SMG1: variants seen among roughly 807,000 people sequenced by gnomAD.
SMG1 encodes the protein serine/threonine-protein kinase SMG1.
A neutral mutation model predicts 419.9 loss-of-function variants in SMG1; 22 were observed. The observed-to-expected ratio is 0.05, with a 90% confidence interval of 0.04 to 0.07. The LOEUF (loss-of-function observed/expected upper bound fraction) is 0.07, where lower values mean the gene tolerates loss of function less well. Among genes scored for constraint, SMG1 ranks in the 10% least tolerant of loss-of-function variants. The pLI is 1.00. For missense variants in SMG1, 3,185 were observed against 4,342.0 expected (o/e 0.73, Z 7.49); for synonymous variants, 1,538 against 1,553.5 (o/e 0.99, Z 0.23).
chr16:18,853,124 G>T (rs1013706182), intron 31 of SMG1, among the ~76,000 whole-genome samples: 2 of 152,148 alleles, frequency 1.3e-5, no homozygotes, highest in East Asian at 3.8e-4. Flanking sequence ...AAAAACAGGG[G>T]AATTATGCCT....
At chr16:18,836,631 CG>C in intron 46 of SMG1, 99 bp from the exon 47 acceptor site, 1 of 1,281,212 alleles carries the variant, frequency 7.8e-7, no homozygotes, top group Non-Finnish European at 1.1e-6. Flanking sequence ...CTGTCTGGTA[CG>C]CTCCTTGTTC....
intron 31 of SMG1, 142 bp downstream of exon 31, chr16:18,853,441 A>G: frequency 2.6e-6 from 2 of 780,586 alleles, no homozygotes; most frequent in South Asian, 2.4e-5. Flanking sequence ...TGTTTTAGTT[A>G]TTTCCCAACA....
chr16:18,877,347 T>C (rs1006064710), intron 11 of SMG1, 115 bp from the exon 12 acceptor site: 15 of 642,210 alleles, frequency 2.3e-5, no homozygotes, highest in Non-Finnish European at 3.3e-5. Context: ...ACATACTATA[T>C]GACTCCAACT....
chr16:18,849,477 G>A (rs538912121), intron 35 of SMG1, 99 bp from the exon 36 acceptor site: 44 of 1,152,668 alleles, frequency 3.8e-5, no homozygotes, highest in East Asian at 4.7e-5. Context: ...GATGTGTGTC[G>A]GCATTAGTAC....
At chr16:18,864,344 C>G (rs745713446) in intron 23 of SMG1, among the ~76,000 whole-genome samples, 200 bp from the exon 24 acceptor site, 1 of 151,766 alleles carries the variant, frequency 6.6e-6, no homozygotes, top group African/African-American at 2.4e-5. Flanking sequence ...TACAGGCGCT[C>G]GCCACCATGC....
At chr16:18,909,726 T>C (rs1208754990) in intron 1 of SMG1, among the ~76,000 whole-genome samples, 3 of 152,234 alleles carry the variant, frequency 2.0e-5, no homozygotes, top group Non-Finnish European at 1.5e-5. Flanking sequence ...ATGTATTAAA[T>C]GAAGACAGCT....
chr16:18,853,473 C>T (rs2034713150), intron 31 of SMG1, 110 bp downstream of exon 31: 2 of 986,722 alleles, frequency 2.0e-6, no homozygotes, highest in Admixed American at 6.7e-5. Flanking sequence ...TCAACTTCCA[C>T]AGATATACTT....
Position 18,853,639 on chromosome 16 carries a change from A to C in SMG1, c.4712T>G (p.Leu1571Arg). The change falls in exon 31 of 63, where the codon CTG (leucine) becomes CGG (arginine). Residue 1571 changes from leucine to arginine, a missense_variant. This residue lies in a region of SMG1 where 493 missense variants were observed against 552.9 expected (regional missense o/e 0.89). Coordinates refer to ENST00000446231, the MANE Select transcript of SMG1 (RefSeq NM_015092.5). ...LSKNILTLIELPSVNTMEEEY... is the reference protein window; with the variant it reads ...LSKNILTLIERPSVNTMEEEY... ...TTCTTCCATCGTATTAACAGATGGCAGTTCTATTAGAGTGAGTATGTTTTT... is the reference window on the plus strand; with the variant it reads ...TTCTTCCATCGTATTAACAGATGGCCGTTCTATTAGAGTGAGTATGTTTTT... The C allele has an allele frequency of 6.2e-7, 1 of 1,610,990 alleles. No homozygotes were observed. Among genetic ancestry groups the C allele is most frequent in the Non-Finnish European group, 8.5e-7 (1 of 1,178,286 alleles).
At chr16:18,893,028 G>A (rs757257318) in intron 3 of SMG1, among the ~76,000 whole-genome samples, 32 of 152,146 alleles carry the variant, frequency 2.1e-4, no homozygotes, top group Non-Finnish European at 4.6e-4. Context: ...CCGGGTGTAG[G>A]TAAATTAAAC....
chr16:18,863,611 T>C (rs1233079285), intron 25 of SMG1, 39 bp downstream of exon 25: 2 of 1,546,472 alleles, frequency 1.3e-6, no homozygotes, highest in Admixed American at 1.7e-5. Flanking sequence ...ATCATAGTTA[T>C]TGGAAATTTG....
intron 4 of SMG1, among the ~76,000 whole-genome samples, chr16:18,891,213 G>A (rs914015715): frequency 6.6e-6 from 1 of 152,174 alleles, no homozygotes; most frequent in African/African-American, 2.4e-5. Flanking sequence ...GATGGATGGA[G>A]GGATAGATGG....
At chr16:18,830,415 C>T (rs552001723) in intron 51 of SMG1, 46 bp from the exon 52 acceptor site, 1 of 1,596,898 alleles carries the variant, frequency 6.3e-7, no homozygotes, top group South Asian at 1.1e-5. Flanking sequence ...AAAAGTAATG[C>T]CTTTGGTGGG....
At chr16:18,817,099 CATATA>C (rs1343069781) in intron 57 of SMG1, among the ~76,000 whole-genome samples, 187 bp downstream of exon 57, 1 of 103,020 alleles carries the variant, frequency 9.7e-6, no homozygotes, top group Non-Finnish European at 1.8e-5. Flanking sequence ...TATTTTTAAA[CATATA>C]ATATGTTTCG....
chr16:18,902,877 T>A (rs2037404187), intron 1 of SMG1, among the ~76,000 whole-genome samples: 8 of 152,186 alleles, frequency 5.3e-5, no homozygotes, highest in Admixed American at 5.2e-4. Context: ...GGTCTCACCC[T>A]GTCGCCCAGG....
At chr16:18,906,217 T>A (rs921473982) in intron 1 of SMG1, among the ~76,000 whole-genome samples, 1 of 152,076 alleles carries the variant, frequency 6.6e-6, no homozygotes, top group Non-Finnish European at 1.5e-5. Flanking sequence ...CGCACGGTGG[T>A]TCACGCCTGT....
intron 1 of SMG1, among the ~76,000 whole-genome samples, chr16:18,920,716 G>C (rs9932878): frequency 0.49 from 74,670 of 151,530 alleles, 18,765 homozygotes; most frequent in Middle Eastern, 0.59. Context: ...TGACATGCAC[G>C]TGTGGTCCCA....
intron 62 of SMG1, 48 bp from the exon 63 acceptor site, chr16:18,809,694 A>G: frequency 1.4e-6 from 2 of 1,425,600 alleles, no homozygotes; most frequent in Non-Finnish European, 1.9e-6. Flanking sequence ...AAGCTTTTCA[A>G]TTGTCTGCTG....
chr16:18,859,317 A>G (rs1428183793), intron 27 of SMG1, 136 bp from the exon 28 acceptor site: 5 of 654,172 alleles, frequency 7.6e-6, no homozygotes, highest in Admixed American at 2.9e-5. Context: ...GCTCTATAAT[A>G]AAATGATATT....
chr16:18,924,394 G>A (rs1386898377), intron 1 of SMG1, among the ~76,000 whole-genome samples: 1 of 152,156 alleles, frequency 6.6e-6, no homozygotes, highest in Non-Finnish European at 1.5e-5. Context: ...GACTATTTGG[G>A]AAGGGCACTT....
Sources: allele counts gnomAD v4.1 joint callset (sites outside exome capture counted in the v4.1 genomes callset), GRCh38; gene constraint gnomAD v4.1.1; regional missense constraint gnomAD v4.1.1; transcripts MANE v1.5; gene names NCBI Gene and HGNC (gene_info 2026-07-23, HGNC 2026-07-21).